The following CSMD1 variants were observed in gnomAD, a reference collection of about 807,000 sequenced individuals.
CSMD1 encodes the protein CUB and sushi domain-containing protein 1.
CSMD1 carries 213 observed loss-of-function variants against 417.5 expected under a neutral mutation model. The ratio of observed to expected loss-of-function variants is 0.51; its 90% CI spans 0.46 to 0.57. The LOEUF is 0.57. Among genes scored for constraint, CSMD1 ranks in the 20% least tolerant of loss-of-function variants. The pLI is 0.00. For synonymous variants in CSMD1, 2,862 were observed against 1,736.8 expected, an observed-to-expected ratio of 1.65 and a Z score of -16.11; for missense variants, 6,923 against 4,529.7, an observed-to-expected ratio of 1.53 and a Z score of -15.17.
chr8:3,131,355 A>T (rs1353316088), intron 41 of CSMD1, among the ~76,000 whole-genome samples: 2 of 151,802 alleles, frequency 1.3e-5, no homozygotes, highest in African/African-American at 4.8e-5. Context: ...ATAAAAGAAA[A>T]AAAAGAAAAA....
chr8:3,367,403 A>C (rs567957648), intron 19 of CSMD1, among the ~76,000 whole-genome samples, 156 bp from the exon 20 acceptor site: 3 of 152,036 alleles, frequency 2.0e-5, no homozygotes, highest in East Asian at 3.9e-4. Context: ...TGCAGAGAGT[A>C]ATAGCCACAG....
rs568399476 is a variant in CSMD1 at position 2,972,108 on chromosome 8, T to C, written c.8923+1009A>G. On this transcript the variant is annotated intron_variant, in intron 57 of 69. Transcript: ENST00000635120. Reference sequence around the variant, plus strand: ...CCTATATTAATATTTAGCGTTATTTTATATGTGAAATTAATGTTACATAGA... The same window carrying C: ...CCTATATTAATATTTAGCGTTATTTCATATGTGAAATTAATGTTACATAGA... 4.6e-5 allele frequency among the ~76,000 whole-genome samples: 7 copies of C among 152,228 alleles called. No homozygotes were observed. The South Asian group carries it at 1.4e-3, about 32-fold the overall frequency.
intron 5 of CSMD1, among the ~76,000 whole-genome samples, chr8:3,770,496 C>G (rs1209964817): frequency 6.6e-6 from 1 of 151,762 alleles, no homozygotes; most frequent in African/African-American, 2.4e-5. Context: ...ACCACTGCAC[C>G]CCAGCCTGGG....
chr8:4,178,346 T>C (rs1045079571), intron 3 of CSMD1, among the ~76,000 whole-genome samples: 8 of 150,950 alleles, frequency 5.3e-5, no homozygotes, highest in African/African-American at 7.3e-5. Context: ...ATTATCTCAA[T>C]AGATGCAGAA....
At chr8:3,332,154 T>A (rs1806945660) in intron 23 of CSMD1, among the ~76,000 whole-genome samples, 1 of 152,240 alleles carries the variant, frequency 6.6e-6, no homozygotes. Flanking sequence ...TAAATGTTTG[T>A]TGAGATATCT....
At chr8:3,147,874 G>A (rs577694120) in intron 40 of CSMD1, among the ~76,000 whole-genome samples, 2 of 152,182 alleles carry the variant, frequency 1.3e-5, no homozygotes, top group African/African-American at 4.8e-5. Flanking sequence ...GGAGGAGCTG[G>A]TTAACTGGTT....
At chr8:3,797,184 A>C (rs1019055416) in intron 5 of CSMD1, among the ~76,000 whole-genome samples, 8 of 152,064 alleles carry the variant, frequency 5.3e-5, no homozygotes, top group Non-Finnish European at 1.2e-4. Flanking sequence ...TTCAACTTGA[A>C]ATGTCAAAGA....
chr8:3,855,351 T>C (rs1804222451), intron 5 of CSMD1, among the ~76,000 whole-genome samples: 1 of 152,100 alleles, frequency 6.6e-6, no homozygotes, highest in Non-Finnish European at 1.5e-5. Flanking sequence ...TACACTCACA[T>C]CCTAATTTTA....
intron 5 of CSMD1, among the ~76,000 whole-genome samples, chr8:3,995,168 G>C (rs1331937881): frequency 6.6e-6 from 1 of 152,128 alleles, no homozygotes; most frequent in African/African-American, 2.4e-5. Context: ...CATTTGTATA[G>C]GCCTTAAAAG....
At chr8:4,674,031 A>G (rs985058249) in intron 1 of CSMD1, among the ~76,000 whole-genome samples, 5 of 152,348 alleles carry the variant, frequency 3.3e-5, no homozygotes, top group South Asian at 2.1e-4. Flanking sequence ...TGAGAAGTAT[A>G]TCTCAATAAA....
chr8:4,838,963 T>G (rs913423698), intron 1 of CSMD1, among the ~76,000 whole-genome samples: 3 of 152,228 alleles, frequency 2.0e-5, no homozygotes, highest in African/African-American at 7.2e-5. Context: ...CAATTCATAA[T>G]TTTTTTAAAC....
intron 5 of CSMD1, among the ~76,000 whole-genome samples, chr8:3,921,047 T>G (rs1053537932): frequency 1.3e-5 from 2 of 152,170 alleles, no homozygotes; most frequent in Non-Finnish European, 2.9e-5. Flanking sequence ...AGCGTTGGTT[T>G]AGTGTTTCTT....
intron 3 of CSMD1, among the ~76,000 whole-genome samples, chr8:4,368,347 G>T (rs923175680): frequency 6.6e-6 from 1 of 152,058 alleles, no homozygotes; most frequent in African/African-American, 2.4e-5. Context: ...CTACTTTATT[G>T]TGGTGAATTA....
chr8:3,879,336 T>G (rs2975345), intron 5 of CSMD1, among the ~76,000 whole-genome samples: 8 of 145,648 alleles, frequency 5.5e-5, no homozygotes, highest in Non-Finnish European at 1.1e-4. Context: ...CATTACAAGA[T>G]TATTATTCAT....
intron 3 of CSMD1, among the ~76,000 whole-genome samples, chr8:4,083,716 T>C (rs1031328651): frequency 6.6e-6 from 1 of 152,126 alleles, no homozygotes; most frequent in Non-Finnish European, 1.5e-5. Flanking sequence ...ACTTAAACGT[T>C]AGACCTAAAG....
chr8:4,836,313 A>G (rs1226482166), intron 1 of CSMD1, among the ~76,000 whole-genome samples: 3 of 152,164 alleles, frequency 2.0e-5, no homozygotes, highest in Non-Finnish European at 2.9e-5. Context: ...TAATTAACAC[A>G]CTTTAGCAGT....
Position 3,142,563 on chromosome 8 carries a change from T to C in CSMD1, c.6143A>G (p.Asp2048Gly), listed in dbSNP as rs1482124897. The change falls in exon 41 of 70, where the codon GAT (aspartate) becomes GGT (glycine). Residue 2048 changes from aspartate to glycine, a missense_variant. Physicochemically the swap from Asp to Gly is moderately conservative, Grantham distance 94 (BLOSUM62 -1). Coordinates refer to ENST00000635120, the MANE Select transcript of CSMD1 (RefSeq NM_033225.6). Reference sequence around the variant, plus strand: ...TGTGCTCAGCAGGGCCGCGGGGAGATCCGTGCCGCTAAATTGTCCAATCAT... The same window carrying C: ...TGTGCTCAGCAGGGCCGCGGGGAGACCCGTGCCGCTAAATTGTCCAATCAT... ...SPMIGQFSGTDLPAALLSTTH... is the reference protein window; with the variant it reads ...SPMIGQFSGTGLPAALLSTTH... 1.9e-6 allele frequency: 3 copies of C among 1,613,948 alleles called. No individual in the cohort carries two copies. The highest frequency in any genetic ancestry group is 2.5e-6 in the Non-Finnish European group (3 of 1,179,882).
intron 8 of CSMD1, among the ~76,000 whole-genome samples, chr8:3,593,428 G>C (rs77726807): frequency 0.033 from 5,033 of 152,284 alleles, 261 homozygotes; most frequent in African/African-American, 0.11. Flanking sequence ...CCAGGGCAGA[G>C]GCCTAGGAAA....
chr8:4,475,909 G>A lies in CSMD1; in HGVS notation c.303-55844C>T, dbSNP rs551236820. Among the ~76,000 whole-genome samples, 7 of 152,174 alleles carry A rather than the reference G, an allele frequency of 4.6e-5. No homozygotes were observed. In the East Asian group the frequency reaches 1.4e-3, roughly 30 times the overall value. ...ATTACAGGCTTGAGCCACCTCACCT[G>A]GCTCTTTTATTATACTTTGTTGGTG... is the stretch of plus-strand genomic sequence containing the variant. On this transcript the variant is annotated intron_variant, in intron 2 of 69. Coordinates refer to ENST00000635120, the MANE Select transcript of CSMD1 (RefSeq NM_033225.6).
Sources: allele counts gnomAD v4.1 joint callset (sites outside exome capture counted in the v4.1 genomes callset), GRCh38; gene constraint gnomAD v4.1.1; transcripts MANE v1.5; gene names NCBI Gene and HGNC (gene_info 2026-07-23, HGNC 2026-07-21).